The following ADH1A variants were observed in gnomAD, a reference collection of about 807,000 sequenced individuals.
ADH1A encodes the protein alcohol dehydrogenase 1A.
In ADH1A, 29 loss-of-function variants were observed where a neutral mutation model predicts 35.2. The observed-to-expected ratio is 0.82, with a 90% CI of 0.61 to 1.12. The LOEUF (loss-of-function observed/expected upper bound fraction) is 1.12, where lower values mean the gene tolerates loss of function less well. ADH1A is among the 50% of genes most tolerant of loss of function. ADH1A has a pLI of 0.00. For missense variants in ADH1A, 469 were observed against 464.7 expected, an observed-to-expected ratio of 1.01 and a Z score of -0.09; for synonymous variants, 147 against 164.8, an observed-to-expected ratio of 0.89 and a Z score of 0.83.
intron 1 of ADH1A, 98 bp from the exon 2 acceptor site, chr4:99,287,763 G>T: frequency 7.6e-7 from 1 of 1,319,744 alleles, no homozygotes. Context: ...CTAATCCCAT[G>T]TCTGGTACCT....
At chr4:99,280,542 TATC>T (rs1334959514) in intron 6 of ADH1A, among the ~76,000 whole-genome samples, 3 of 152,224 alleles carry the variant, frequency 2.0e-5, no homozygotes, top group Non-Finnish European at 4.4e-5. Context: ...AAGTGGTAGA[TATC>T]ATCACAAATA....
Position 99,287,106 on chromosome 4 carries a change from A to T in ADH1A, c.121-118T>A, listed in dbSNP as rs55718101. ...TTCAAGGGTTTTGCTAATAATCCCT[A>T]CTATCCCAAGTATGAAAGATTCAGT... On this transcript the variant is annotated intron_variant, in intron 2 of 8. Transcript: ENST00000209668. The T allele has an allele frequency of 2.0e-5, 25 of 1,257,992 alleles. No homozygotes were observed. In the East Asian group the frequency reaches 5.2e-4, roughly 26 times the overall value. The allele number at this position is 1,257,992 out of a possible 1,614,324, so 77.9% of individuals were successfully genotyped here.
intron 2 of ADH1A, 102 bp downstream of exon 2, chr4:99,287,462 A>G (rs1733180870): frequency 2.7e-6 from 3 of 1,111,406 alleles, no homozygotes; most frequent in Non-Finnish European, 3.9e-6. Flanking sequence ...GACAACAAGT[A>G]TATTCTATTT....
At chr4:99,287,518 T>G (rs1356223819) in intron 2 of ADH1A, 46 bp downstream of exon 2, 1 of 1,580,588 alleles carries the variant, frequency 6.3e-7, no homozygotes, top group African/African-American at 1.4e-5. Context: ...TTTTTAACTT[T>G]TCTGAGTTTT....
intron 7 of ADH1A, 134 bp from the exon 8 acceptor site, chr4:99,279,698 A>G: frequency 9.3e-7 from 1 of 1,075,416 alleles, no homozygotes; most frequent in Non-Finnish European, 1.4e-6. Context: ...AATAAGAGAT[A>G]CAGTACCTCA....
At chr4:99,279,329 C>T in intron 8 of ADH1A, 97 bp downstream of exon 8, 4 of 1,446,684 alleles carry the variant, frequency 2.8e-6, no homozygotes, top group Non-Finnish European at 3.7e-6. Context: ...AACCAAGGCA[C>T]TCTAATTTTT....
At chr4:99,280,534 G>A (rs779071835) in intron 6 of ADH1A, among the ~76,000 whole-genome samples, 1 of 152,198 alleles carries the variant, frequency 6.6e-6, no homozygotes, top group Non-Finnish European at 1.5e-5. Flanking sequence ...AAGGAATAAA[G>A]TGGTAGATAT....
At chr4:99,283,084 A>T (rs1733046987) in intron 5 of ADH1A, among the ~76,000 whole-genome samples, 1 of 152,246 alleles carries the variant, frequency 6.6e-6, no homozygotes, top group East Asian at 1.9e-4. Context: ...AGACTGAAAA[A>T]TATTCCACTT....
Position 99,276,664 on chromosome 4 carries a change from AG to A in ADH1A, c.1104-17del, listed in dbSNP as rs771109089. The A allele has an allele frequency of 1.8e-5, 29 of 1,608,824 alleles. No individual in the cohort carries two copies. Among genetic ancestry groups the A allele is most frequent in the Non-Finnish European group, 2.4e-5 (28 of 1,175,376 alleles). On this transcript the variant is annotated splice_polypyrimidine_tract_variant and intron_variant, in intron 8 of 8. Coordinates refer to ENST00000209668, the MANE Select transcript of ADH1A (RefSeq NM_000667.4). Reference sequence around the variant, plus strand: ...GGTACGGATACTGCAATAGGAAAGAAGAGACATTGTATTAGCATTTAGACAT... The same window carrying A: ...GGTACGGATACTGCAATAGGAAAGAAAGACATTGTATTAGCATTTAGACAT...
intron 5 of ADH1A, among the ~76,000 whole-genome samples, chr4:99,282,877 T>G (rs1733042824): frequency 1.3e-5 from 2 of 152,198 alleles, no homozygotes. Flanking sequence ...AGGTGGAACT[T>G]AGTCCCCAGG....
rs1028910925 is a variant in ADH1A at position 99,276,611 on chromosome 4, C to T, written c.*13G>A. The T allele has an allele frequency of 5.6e-6, 9 of 1,610,166 alleles. No individual in the cohort carries two copies. The highest frequency in any genetic ancestry group is 4.4e-5 in the South Asian group (4 of 90,994). On this transcript the variant is annotated 3_prime_UTR_variant, in exon 9 of 9. Transcript: ENST00000209668. ...GGCTGAAGACTGCCACAAGGGAAAA[C>T]ATCTGTATTGTCTCAAAACATCAGA... is the stretch of plus-strand genomic sequence containing the variant.
In ADH1A at chr4:99,282,141, A is replaced by G. The variant is rs774420497; in HGVS notation, c.828+205T>C. ...GCCCTTTGCTTTTCCTCTAGAGGAA[A>G]TATGACTTGAGACACGTTTGCATAG... On this transcript the variant is annotated intron_variant, in intron 6 of 8. Transcript: ENST00000209668. The G allele has an allele frequency of 1.6e-5, 15 of 937,036 alleles. 1 individual carries two copies. In the South Asian group the frequency reaches 2.6e-4, roughly 16 times the overall value. The allele number at this position is 937,036 out of a possible 1,614,324, so 58.0% of individuals were successfully genotyped here.
At chr4:99,286,752 G>A (rs1733161496) in intron 3 of ADH1A, 98 bp downstream of exon 3, 4 of 1,555,522 alleles carry the variant, frequency 2.6e-6, no homozygotes, top group Non-Finnish European at 3.5e-6. Context: ...GGTGACCTTG[G>A]TCAAGCCCTT....
At chr4:99,290,234 TAATTTTCTGTAA>T (rs1438619535) in intron 1 of ADH1A, among the ~76,000 whole-genome samples, 1 of 152,178 alleles carries the variant, frequency 6.6e-6, no homozygotes, top group Non-Finnish European at 1.5e-5. Context: ...ATTGTATTAT[TAATTTTCTGTAA>T]AACCATATTG....
chr4:99,284,287 G>C (rs1733083572), intron 5 of ADH1A, 112 bp downstream of exon 5: 4 of 1,149,262 alleles, frequency 3.5e-6, no homozygotes, highest in Admixed American at 2.2e-5. Flanking sequence ...TCTATTCTTA[G>C]TCGACATTCA....
Position 99,282,512 on chromosome 4 carries a change from A to G in ADH1A, c.662T>C (p.Ile221Thr). 6.2e-7 allele frequency: 1 copy of G among 1,614,166 alleles called. No homozygotes were observed. The highest frequency in any genetic ancestry group is 8.5e-7 in the Non-Finnish European group (1 of 1,180,032). ...GCKAAGAARI[I>T]AVDINKDKFA... is the part of the protein sequence containing the mutation. ...TTTGTCCTTGTTGATGTCCACCGCA[A>G]TGATTCTGGCTGCCCCAGCTGCTTT... Residue 221 changes from isoleucine (I) to threonine (T), a missense_variant, in exon 6 of 9, where the codon ATT becomes ACT. Transcript: ENST00000209668.
chr4:99,286,819 C>T (rs781760522), intron 3 of ADH1A, 31 bp downstream of exon 3: 2 of 1,610,230 alleles, frequency 1.2e-6, no homozygotes, highest in Non-Finnish European at 8.5e-7. Context: ...GGATGGTGAA[C>T]CATCATGTTT....
chr4:99,279,417 A>G lies in ADH1A; in HGVS notation c.1103+9T>C. On this transcript the variant is annotated intron_variant, in intron 8 of 8. Coordinates refer to ENST00000209668, the MANE Select transcript of ADH1A (RefSeq NM_000667.4). ...AAAAGCAAAACAGAAAACTAACTAA[A>G]AAATCTACCTTTTCCCAGAGTGAAG... 1 of 1,585,062 alleles carries G rather than the reference A, an allele frequency of 6.3e-7. No homozygotes were observed. Among genetic ancestry groups the G allele is most frequent in the African/African-American group, 1.4e-5 (1 of 72,776 alleles).
At chr4:99,276,772 A>G (rs1732878528) in intron 8 of ADH1A, 124 bp from the exon 9 acceptor site, 4 of 885,224 alleles carry the variant, frequency 4.5e-6, no homozygotes, top group South Asian at 4.4e-5. Context: ...TCCCACCCCC[A>G]TGCATTCGGG....
Sources: allele counts gnomAD v4.1 joint callset (sites outside exome capture counted in the v4.1 genomes callset), GRCh38; gene constraint gnomAD v4.1.1; transcripts MANE v1.5; gene names NCBI Gene and HGNC (gene_info 2026-07-23, HGNC 2026-07-21).